Variants in CCDC91 observed in about 807,000 individuals in gnomAD.
The protein encoded by CCDC91 is coiled-coil domain containing 91, also known as coiled-coil domain-containing protein 91.
In CCDC91, 48 loss-of-function variants were observed where a neutral mutation model predicts 63.2. That is an observed-to-expected ratio of 0.76 (90% CI 0.60 to 0.97). CCDC91 has a LOEUF of 0.97. Ranked by LOEUF, CCDC91 falls within the 50% of genes least tolerant of loss-of-function variation. The pLI is 0.00. For synonymous variants in CCDC91, 167 were observed against 165.8 expected, an observed-to-expected ratio of 1.01 and a Z score of -0.06; for missense variants, 500 against 494.6, an observed-to-expected ratio of 1.01 and a Z score of -0.10.
intron 3 of CCDC91, 21 bp from the exon 4 acceptor site, chr12:28,305,625 TTTG>T (rs780034069): frequency 1.2e-5 from 19 of 1,599,102 alleles, no homozygotes; most frequent in Middle Eastern, 1.7e-4. Context: ...TCCTATCCTT[TTTG>T]TTGTTGTTGT....
intron 7 of CCDC91, among the ~76,000 whole-genome samples, chr12:28,376,264 CT>C: frequency 6.6e-6 from 1 of 151,774 alleles, no homozygotes; most frequent in South Asian, 2.1e-4. Flanking sequence ...TATTGAGTCT[CT>C]TAAGGTTTTG....
At chr12:28,356,595 C>T (rs80347840) in intron 6 of CCDC91, among the ~76,000 whole-genome samples, 3 of 152,072 alleles carry the variant, frequency 2.0e-5, no homozygotes, top group African/African-American at 7.2e-5. Context: ...ACAGTGGATT[C>T]GTTGTTGTGA....
At chr12:28,541,309 A>G (rs1291405442) in intron 12 of CCDC91, among the ~76,000 whole-genome samples, 1 of 103,114 alleles carries the variant, frequency 9.7e-6, no homozygotes, top group Non-Finnish European at 2.1e-5. Flanking sequence ...GTAAGTTTCC[A>G]TATGTGTGTG....
chr12:28,402,642 T>C (rs1414388635), intron 8 of CCDC91, among the ~76,000 whole-genome samples: 2 of 151,876 alleles, frequency 1.3e-5, no homozygotes, highest in South Asian at 2.1e-4. Context: ...TTTATTTCCT[T>C]TTTTTGTATT....
At chr12:28,511,113 T>C (rs1422266751) in intron 12 of CCDC91, among the ~76,000 whole-genome samples, 1 of 151,914 alleles carries the variant, frequency 6.6e-6, no homozygotes, top group Non-Finnish European at 1.5e-5. Context: ...CAAGTCACTA[T>C]GAACTTTCAC....
chr12:28,423,237 A>G (rs1280428000), intron 8 of CCDC91, among the ~76,000 whole-genome samples: 2 of 152,172 alleles, frequency 1.3e-5, no homozygotes, highest in Non-Finnish European at 2.9e-5. Context: ...TTAACTTTCA[A>G]AAAGAATATT....
chr12:28,195,437 C>T (rs540966208), intron 1 of CCDC91, among the ~76,000 whole-genome samples: 4 of 145,568 alleles, frequency 2.7e-5, no homozygotes, highest in Middle Eastern at 7.0e-3. Flanking sequence ...GGCTTCACCT[C>T]TCATTACTAT....
chr12:28,503,891 C>T (rs139468046), intron 12 of CCDC91, among the ~76,000 whole-genome samples: 3,344 of 151,018 alleles, frequency 0.022, 68 homozygotes, highest in African/African-American at 0.049. Context: ...ACAATGAGAA[C>T]ACATGGACAC....
At chr12:28,433,241 TTG>T (rs1473179042) in intron 8 of CCDC91, among the ~76,000 whole-genome samples, 2 of 151,956 alleles carry the variant, frequency 1.3e-5, no homozygotes, top group Admixed American at 1.3e-4. Flanking sequence ...TATCCCATTT[TTG>T]TGTGTGTGTG....
intron 12 of CCDC91, among the ~76,000 whole-genome samples, chr12:28,510,062 G>GA (rs759197382): frequency 1.3e-5 from 2 of 151,812 alleles, no homozygotes; most frequent in South Asian, 4.1e-4. Context: ...ACCAAGGGCT[G>GA]AATCTTGAAA....
chr12:28,479,841 G>A (rs537662740), intron 11 of CCDC91, among the ~76,000 whole-genome samples: 1 of 151,912 alleles, frequency 6.6e-6, no homozygotes, highest in African/African-American at 2.4e-5. Flanking sequence ...AAGATGTTGT[G>A]CTAATGAGCT....
chr12:28,490,784 A>G (rs995483547), intron 12 of CCDC91, among the ~76,000 whole-genome samples: 6 of 151,980 alleles, frequency 3.9e-5, no homozygotes, highest in South Asian at 2.1e-4. Context: ...ATTTATTGCT[A>G]TCTCCCACTT....
In CCDC91 at chr12:28,455,674, G is replaced by GT. The variant is rs910264138; in HGVS notation, c.1101+3031dup. On this transcript the variant is annotated intron_variant, in intron 11 of 12. Transcript: ENST00000536442. ...AGTTTAGCTAAAAAGGTATTTTTAT[G>GT]TTTTTTTTTTTCTTTGTAGCTTTGC... 1.5e-3 allele frequency among the ~76,000 whole-genome samples: 224 copies of GT among 147,138 alleles called. 2 individuals are homozygous for GT. Among genetic ancestry groups the GT allele is most frequent in the East Asian group, 0.01 (51 of 5,066 alleles).
Position 28,515,472 on chromosome 12 carries a change from C to A in CCDC91, c.1215+31307C>A, listed in dbSNP as rs553380972. ...GTATTTCCCTAATTGATCTTATGCC[C>A]TTTTTGCTAACTCTTTAGTTAACTC... is the stretch of plus-strand genomic sequence containing the variant. On this transcript the variant is annotated intron_variant, in intron 12 of 12. Coordinates refer to ENST00000536442, the MANE Select transcript of CCDC91 (RefSeq NM_018318.5). Among the ~76,000 whole-genome samples, 17 of 151,916 alleles carry A rather than the reference C, an allele frequency of 1.1e-4. 2 individuals carry two copies. In the South Asian group the frequency reaches 3.3e-3, roughly 30 times the overall value.
chr12:28,485,686 A>G (rs557903940), intron 12 of CCDC91, among the ~76,000 whole-genome samples: 15 of 152,340 alleles, frequency 9.8e-5, no homozygotes, highest in South Asian at 4.1e-4. Context: ...TTTTCACTCA[A>G]ACAAATTCCT....
At chr12:28,307,275 A>G (rs1215660177) in intron 5 of CCDC91, among the ~76,000 whole-genome samples, 4 of 151,990 alleles carry the variant, frequency 2.6e-5, no homozygotes, top group Non-Finnish European at 5.9e-5. Context: ...CCCTATGGGA[A>G]GTTAGGCATC....
At chr12:28,214,774 T>C (rs1244110657) in intron 1 of CCDC91, among the ~76,000 whole-genome samples, 2 of 152,196 alleles carry the variant, frequency 1.3e-5, no homozygotes, top group Non-Finnish European at 2.9e-5. Context: ...GGCTAATACA[T>C]TTCCAGTTGT....
chr12:28,483,383 TATC>T (rs2140910918), intron 11 of CCDC91, among the ~76,000 whole-genome samples: 1 of 152,212 alleles, frequency 6.6e-6, no homozygotes, highest in South Asian at 2.1e-4. Context: ...TAGCAGAAAA[TATC>T]ATGACTTCCT....
intron 3 of CCDC91, among the ~76,000 whole-genome samples, chr12:28,289,601 T>A (rs1459209983): frequency 6.6e-6 from 1 of 151,990 alleles, no homozygotes; most frequent in African/African-American, 2.4e-5. Flanking sequence ...TGTTTGATTG[T>A]GTGGTCAGTT....
Sources: allele counts gnomAD v4.1 joint callset (sites outside exome capture counted in the v4.1 genomes callset), GRCh38; gene constraint gnomAD v4.1.1; transcripts MANE v1.5; gene names NCBI Gene and HGNC (gene_info 2026-07-23, HGNC 2026-07-21).